Variants in ZNF766 observed in about 807,000 individuals in gnomAD.
ZNF766 encodes the protein zinc finger protein 766.
Under a neutral mutation model 13.2 loss-of-function variants are expected in ZNF766, and 13 were observed. The ratio of observed to expected loss-of-function variants is 0.98; its 90% confidence interval spans 0.64 to 1.56. The LOEUF is 1.56. Among genes scored for constraint, ZNF766 ranks in the 40% most tolerant of loss-of-function variants. ZNF766 has a pLI of 0.00. For synonymous variants in ZNF766, 178 were observed against 187.6 expected (o/e 0.95, Z 0.42); for missense variants, 521 against 552.2 (o/e 0.94, Z 0.57).
chr19:52,294,177 CAA>C lies in ZNF766; in HGVS notation c.*2980_*2981del, dbSNP rs1982262660. The C allele has an allele frequency of 6.6e-6, 1 of 152,120 alleles. No homozygotes were observed. Among genetic ancestry groups the C allele is most frequent in the Non-Finnish European group, 1.5e-5 (1 of 68,024 alleles). 9.4% of individuals were successfully genotyped at this position (152,120 alleles called of 1,614,324 possible). A position where few individuals can be genotyped will look rare whatever the true frequency, so the allele number is the denominator to read the frequency against. On this transcript the variant is annotated 3_prime_UTR_variant, in exon 4 of 4. Transcript: ENST00000439461. ...GGACTTCAGGATGAAAATATTGTAACAATCTTGCTGTTGACCTCGTAGCGCTC... is the reference window on the plus strand; with the variant it reads ...GGACTTCAGGATGAAAATATTGTAACTCTTGCTGTTGACCTCGTAGCGCTC...
intron 3 of ZNF766, 151 bp from the exon 4 acceptor site, chr19:52,289,915 G>A (rs944510216): frequency 1.4e-6 from 1 of 706,228 alleles, no homozygotes; most frequent in Non-Finnish European, 2.2e-6. Context: ...GCAGGAGAAT[G>A]GCGGGAACCT....
intron 3 of ZNF766, among the ~76,000 whole-genome samples, chr19:52,284,305 C>T (rs535725682): frequency 3.9e-5 from 6 of 152,288 alleles, no homozygotes; most frequent in African/African-American, 1.4e-4. Context: ...ATAGACCTGC[C>T]TCCTTGACCT....
intron 1 of ZNF766, among the ~76,000 whole-genome samples, chr19:52,276,119 T>C (rs902290246): frequency 1.3e-5 from 2 of 152,248 alleles, no homozygotes; most frequent in African/African-American, 4.8e-5. Context: ...AGATGTGTAG[T>C]AGGCTATGCT....
chr19:52,273,802 C>T (rs1981075005), intron 1 of ZNF766, among the ~76,000 whole-genome samples: 1 of 152,166 alleles, frequency 6.6e-6, no homozygotes, highest in South Asian at 2.1e-4. Context: ...AGAGCAGAGC[C>T]AGAAGGTGGG....
Position 52,293,337 on chromosome 19 carries a change from T to A in ZNF766, c.*2139T>A. Reference sequence around the variant, plus strand: ...ACAGGCATGCACCACCATACCCGGCTAATTTTTTTGTATTTTTAGTAGAGA... The same window carrying A: ...ACAGGCATGCACCACCATACCCGGCAAATTTTTTTGTATTTTTAGTAGAGA... On this transcript the variant is annotated 3_prime_UTR_variant, in exon 4 of 4. Coordinates refer to ENST00000439461, the MANE Select transcript of ZNF766 (RefSeq NM_001010851.3). 1 of 152,038 alleles carries A rather than the reference T, an allele frequency of 6.6e-6. No individual in the cohort carries two copies. Among genetic ancestry groups the A allele is most frequent in the East Asian group, 1.9e-4 (1 of 5,172 alleles). 9.4% of individuals were successfully genotyped at this position (152,038 alleles called of 1,614,324 possible).
At chr19:52,284,585 G>T (rs1981716722) in intron 3 of ZNF766, among the ~76,000 whole-genome samples, 1 of 151,870 alleles carries the variant, frequency 6.6e-6, no homozygotes. Context: ...GCAATTCATT[G>T]GTGACACTAT....
chr19:52,288,474 G>A (rs1191429701), intron 3 of ZNF766, among the ~76,000 whole-genome samples: 26 of 152,092 alleles, frequency 1.7e-4, no homozygotes. Context: ...ATCCAGTGAT[G>A]ATCTCACTTT....
In ZNF766 at chr19:52,292,001, GTT is replaced by G; in HGVS notation, c.*805_*806del. On this transcript the variant is annotated 3_prime_UTR_variant, in exon 4 of 4. Transcript: ENST00000439461. ...GCAAGAGGATTGCTCAAGCCCAGGA[GTT>G]TGAGAGTTTGAGCAGTGAGCTCTGA... 1.7e-6 allele frequency: 1 copy of G among 596,938 alleles called. No individual in the cohort carries two copies. Among genetic ancestry groups the G allele is most frequent in the Non-Finnish European group, 3.0e-6 (1 of 336,140 alleles). The allele number at this position is 596,938 out of a possible 1,614,324, so 37.0% of individuals were successfully genotyped here.
At position 52,292,313 on chromosome 19, in the gene ZNF766, G is replaced by C; in HGVS notation, c.*1115G>C. On this transcript the variant is annotated 3_prime_UTR_variant, in exon 4 of 4. Coordinates refer to ENST00000439461, the MANE Select transcript of ZNF766 (RefSeq NM_001010851.3). ...GAGGTGGACAGAGAATAACAAAACC[G>C]TGATGGCAGTCATCATGCTTATTGC... is the stretch of plus-strand genomic sequence containing the variant. 1 of 636,572 alleles carries C rather than the reference G, an allele frequency of 1.6e-6. No individual in the cohort carries two copies. The highest frequency in any genetic ancestry group is 2.8e-6 in the Non-Finnish European group (1 of 355,462). 39.4% of individuals were successfully genotyped at this position (636,572 alleles called of 1,614,324 possible).
Position 52,290,384 on chromosome 19 carries a change from T to G in ZNF766, c.593T>G (p.Val198Gly), listed in dbSNP as rs777642301. Residue 198 changes from valine (V) to glycine (G), a missense_variant, in exon 4 of 4, where the codon GTG becomes GGG. Val to Gly is a moderately radical substitution (Grantham distance 109). Coordinates refer to ENST00000439461, the MANE Select transcript of ZNF766 (RefSeq NM_001010851.3). ...AATGAGCAGGGCAAAGTCTTCAGAG[T>G]GTCTTCAAGCCTTCCTAATCATCAA... ...ECNEQGKVFR[V>G]SSSLPNHQVI... 5.6e-6 allele frequency: 9 copies of G among 1,613,818 alleles called. No individual in the cohort carries two copies. The East Asian group carries it at 1.8e-4, about 32-fold the overall frequency.
At position 52,294,386 on chromosome 19, in the gene ZNF766, AGTTTG is replaced by A. The variant is rs543688866; in HGVS notation, c.*3195_*3199del. 1 of 152,166 alleles carries A rather than the reference AGTTTG, an allele frequency of 6.6e-6. No individual in the cohort carries two copies. Among genetic ancestry groups the A allele is most frequent in the Non-Finnish European group, 1.5e-5 (1 of 68,040 alleles). 9.4% of individuals were successfully genotyped at this position (152,166 alleles called of 1,614,324 possible). A position where few individuals can be genotyped will look rare whatever the true frequency, so the allele number is the denominator to read the frequency against. ...TGGAACTGCTTTGACATCCACCTGA[AGTTTG>A]GTTTGGGTATTGAGAATGATGATGC... is the stretch of plus-strand genomic sequence containing the variant. On this transcript the variant is annotated 3_prime_UTR_variant, in exon 4 of 4. Transcript: ENST00000439461.
chr19:52,291,757 G>A lies in ZNF766; in HGVS notation c.*559G>A, dbSNP rs527469464. The stretch of plus-strand genomic sequence containing the variant: ...AACCTGGGTGACAGAGCGAGACTCC[G>A]TCTCAAAAAAAAAAAAAAATTATTT... On this transcript the variant is annotated 3_prime_UTR_variant, in exon 4 of 4. Coordinates refer to ENST00000439461, the MANE Select transcript of ZNF766 (RefSeq NM_001010851.3). The A allele has an allele frequency of 2.0e-3, 324 of 158,552 alleles. 4 individuals carry two copies. The highest frequency in any genetic ancestry group is 7.8e-3 in the African/African-American group (312 of 39,764). The allele number at this position is 158,552 out of a possible 1,614,324, so 9.8% of individuals were successfully genotyped here. A position where few individuals can be genotyped will look rare whatever the true frequency, so the allele number is the denominator to read the frequency against.
chr19:52,269,898 C>G (rs1281148327), intron 1 of ZNF766, among the ~76,000 whole-genome samples: 1 of 152,216 alleles, frequency 6.6e-6, no homozygotes, highest in Non-Finnish European at 1.5e-5. Flanking sequence ...CCCCGCGCCA[C>G]GTAAAGTCCC....
At chr19:52,270,323 C>A (rs1050044071) in intron 1 of ZNF766, among the ~76,000 whole-genome samples, 3 of 151,996 alleles carry the variant, frequency 2.0e-5, no homozygotes, top group African/African-American at 7.2e-5. Context: ...GAGGAAGATC[C>A]ATAACAAGAC....
intron 3 of ZNF766, chr19:52,284,837 C>CA (rs1327900321): frequency 6.6e-6 from 1 of 152,034 alleles, no homozygotes; most frequent in Admixed American, 6.6e-5. Flanking sequence ...GATGGACAGC[C>CA]AGATGAGGAG....
chr19:52,288,740 A>G (rs1292496124), intron 3 of ZNF766, among the ~76,000 whole-genome samples: 5 of 149,406 alleles, frequency 3.3e-5, no homozygotes, highest in Non-Finnish European at 7.4e-5. Context: ...TATCCCTTCC[A>G]GCACTATTTT....
At chr19:52,276,607 A>T (rs986049667) in intron 1 of ZNF766, among the ~76,000 whole-genome samples, 8 of 152,132 alleles carry the variant, frequency 5.3e-5, no homozygotes, top group Non-Finnish European at 1.0e-4. Context: ...ATGCCCCCCA[A>T]GCACATGAGC....
intron 3 of ZNF766, among the ~76,000 whole-genome samples, chr19:52,285,557 G>A (rs1296820326): frequency 6.6e-6 from 1 of 152,234 alleles, no homozygotes; most frequent in Non-Finnish European, 1.5e-5. Context: ...GAAGAGACAT[G>A]TGGGACAGGT....
chr19:52,284,539 AT>A (rs1228762443), intron 3 of ZNF766, among the ~76,000 whole-genome samples: 3 of 151,890 alleles, frequency 2.0e-5, no homozygotes, highest in African/African-American at 7.3e-5. Context: ...ATGTGTGGAG[AT>A]TTCTCCCCAC....
Sources: gnomAD v4.1 joint callset for allele counts (sites outside exome capture counted in the v4.1 genomes callset) on GRCh38, gnomAD v4.1.1 for gene constraint, MANE v1.5 for transcripts, NCBI Gene and HGNC (gene_info 2026-07-23, HGNC 2026-07-21) for gene names.